SBF2: variants seen among roughly 807,000 people sequenced by gnomAD.
SBF2 encodes the protein myotubularin-related protein 13.
SBF2 carries 112 observed loss-of-function variants against 225.2 expected under a neutral mutation model. The ratio of observed to expected loss-of-function variants is 0.50; its 90% confidence interval spans 0.43 to 0.58. SBF2 has a LOEUF of 0.58. Among genes scored for constraint, SBF2 ranks in the 20% least tolerant of loss-of-function variants. The pLI is 0.00. For missense variants in SBF2, 1,996 were observed against 2,206.2 expected, an observed-to-expected ratio of 0.90 and a Z score of 1.91; for synonymous variants, 763 against 773.3, an observed-to-expected ratio of 0.99 and a Z score of 0.22.
chr11:9,784,438 C>A lies in SBF2; in HGVS notation c.5232G>T (p.Arg1744Ser). Reference sequence around the variant, plus strand: ...TTTTATAAAGTGTTCCCTCAAAGGACCTAGAAGAAATGATGACAGGAGAGT... The same window carrying A: ...TTTTATAAAGTGTTCCCTCAAAGGAACTAGAAGAAATGATGACAGGAGAGT... The part of the protein sequence containing the change: ...SQYTSKNDEN[R>S]SFEGTLYKRG... The change falls in exon 38 of 40, where the codon AGG (arginine) becomes AGT (serine). Residue 1744 changes from arginine (R) to serine (S), a missense_variant and splice_region_variant. Coordinates refer to ENST00000256190, the MANE Select transcript of SBF2 (RefSeq NM_030962.4). 4.3e-6 allele frequency: 7 copies of A among 1,611,192 alleles called. No individual in the cohort carries two copies. The highest frequency in any genetic ancestry group is 5.9e-6 in the Non-Finnish European group (7 of 1,177,370).
intron 1 of SBF2, among the ~76,000 whole-genome samples, chr11:10,214,394 C>T (rs1051225187): frequency 6.6e-6 from 1 of 152,136 alleles, no homozygotes. Flanking sequence ...GAGTCCGAGG[C>T]GGGCGGATCA....
At chr11:9,967,980 TATATATATATAAA>T (rs1168940343) in intron 14 of SBF2, among the ~76,000 whole-genome samples, 135 of 106,228 alleles carry the variant, frequency 1.3e-3, no homozygotes, top group African/African-American at 4.0e-3. Context: ...TCTATATATA[TATATATATATAAA>T]ATATATATAT....
intron 16 of SBF2, among the ~76,000 whole-genome samples, chr11:9,955,772 T>C (rs1169680673): frequency 6.6e-6 from 1 of 152,110 alleles, no homozygotes; most frequent in Non-Finnish European, 1.5e-5. Context: ...CTAAATAGTA[T>C]ATTATCATTA....
chr11:10,261,549 CA>C (rs1961434112), intron 1 of SBF2, among the ~76,000 whole-genome samples: 1 of 152,270 alleles, frequency 6.6e-6, no homozygotes, highest in Middle Eastern at 3.4e-3. Context: ...GATGGTATAC[CA>C]CTTTGGGAAA....
chr11:10,041,971 T>C (rs1316325673), intron 3 of SBF2, among the ~76,000 whole-genome samples: 6 of 127,616 alleles, frequency 4.7e-5, no homozygotes, highest in Non-Finnish European at 1.7e-5. Flanking sequence ...AAATGGGCTC[T>C]GTATACAATC....
intron 2 of SBF2, among the ~76,000 whole-genome samples, chr11:10,172,533 A>G (rs1456262108): frequency 6.6e-6 from 1 of 151,840 alleles, no homozygotes; most frequent in Non-Finnish European, 1.5e-5. Context: ...TTTATTTTTT[A>G]GTAGAGACGG....
intron 36 of SBF2, among the ~76,000 whole-genome samples, chr11:9,785,568 T>C (rs1479977370): frequency 2.0e-5 from 3 of 152,154 alleles, no homozygotes; most frequent in Non-Finnish European, 4.4e-5. Context: ...CATTAAAAAA[T>C]GATGCTGCTA....
At chr11:10,002,797 T>G in intron 6 of SBF2, 108 bp from the exon 7 acceptor site, 4 of 980,204 alleles carry the variant, frequency 4.1e-6, no homozygotes, top group Non-Finnish European at 4.9e-6. Context: ...TTGGACTCTC[T>G]GAAGGAAAAT....
At chr11:9,802,117 C>T (rs1020576795) in intron 32 of SBF2, among the ~76,000 whole-genome samples, 4 of 152,146 alleles carry the variant, frequency 2.6e-5, no homozygotes, top group African/African-American at 7.2e-5. Context: ...GCTTTCTTCA[C>T]GTTTTCATTC....
intron 33 of SBF2, chr11:9,791,387 A>G (rs914596510): frequency 1.3e-5 from 2 of 150,678 alleles, no homozygotes; most frequent in Non-Finnish European, 2.9e-5. Flanking sequence ...ATGAAGTGAC[A>G]TAGTCAAAAT....
intron 6 of SBF2, among the ~76,000 whole-genome samples, chr11:10,022,184 T>C (rs1203838369): frequency 6.6e-6 from 1 of 152,130 alleles, no homozygotes; most frequent in Non-Finnish European, 1.5e-5. Context: ...ATGCCAGATA[T>C]AGAGTACACA....
chr11:9,984,381 A>G (rs1165529097), intron 13 of SBF2, among the ~76,000 whole-genome samples: 9 of 152,154 alleles, frequency 5.9e-5, no homozygotes, highest in Non-Finnish European at 1.3e-4. Flanking sequence ...ACAAAGACAA[A>G]GAAAAAAGGG....
chr11:10,140,845 G>A (rs1954609426), intron 2 of SBF2, among the ~76,000 whole-genome samples: 2 of 152,042 alleles, frequency 1.3e-5, no homozygotes, highest in South Asian at 4.1e-4. Flanking sequence ...TGGTGTCAGA[G>A]GTTGGAAATT....
chr11:9,842,866 C>T (rs2133962039), intron 24 of SBF2, 96 bp from the exon 25 acceptor site: 2 of 1,225,492 alleles, frequency 1.6e-6, no homozygotes, highest in East Asian at 4.7e-5. Flanking sequence ...CTTCTCCTTT[C>T]CCACAGCCAC....
At chr11:9,786,052 G>C (rs1852351758) in intron 36 of SBF2, among the ~76,000 whole-genome samples, 1 of 152,086 alleles carries the variant, frequency 6.6e-6, no homozygotes, top group Admixed American at 6.5e-5. Flanking sequence ...ATTTTTAGTA[G>C]AGACAGAGTT....
chr11:9,995,649 CT>C lies in SBF2; in HGVS notation c.976-1652del, dbSNP rs375157492. 2.0e-3 allele frequency among the ~76,000 whole-genome samples: 282 copies of C among 141,430 alleles called. 1 individual carries two copies. The highest frequency in any genetic ancestry group is 1.7e-3 in the Non-Finnish European group (112 of 64,272). The allele number at this position is 141,430 out of a possible 152,430, so 92.8% of individuals were successfully genotyped here. On this transcript the variant is annotated intron_variant, in intron 9 of 39. Coordinates refer to ENST00000256190, the MANE Select transcript of SBF2 (RefSeq NM_030962.4). ...ATGCTCCTATTTCTTTTTTTCTTTT[CT>C]TTTTTTTTTTTTATTTTGAGACAGA...
At chr11:9,864,615 G>C (rs1306865979) in intron 17 of SBF2, among the ~76,000 whole-genome samples, 1 of 151,960 alleles carries the variant, frequency 6.6e-6, no homozygotes, top group Non-Finnish European at 1.5e-5. Flanking sequence ...TCAAACTCCT[G>C]GGCTCAAGTG....
At chr11:10,179,265 A>C (rs1956618529) in intron 2 of SBF2, among the ~76,000 whole-genome samples, 1 of 151,872 alleles carries the variant, frequency 6.6e-6, no homozygotes, top group South Asian at 2.1e-4. Flanking sequence ...TAGTGGGTGC[A>C]GCACACCAGC....
intron 17 of SBF2, among the ~76,000 whole-genome samples, chr11:9,889,898 T>A (rs1485236032): frequency 1.3e-5 from 2 of 152,076 alleles, no homozygotes; most frequent in Non-Finnish European, 2.9e-5. Context: ...CCTATTTATT[T>A]ATTTATTTCT....
Sources: gnomAD v4.1 joint callset for allele counts (sites outside exome capture counted in the v4.1 genomes callset) on GRCh38, gnomAD v4.1.1 for gene constraint, MANE v1.5 for transcripts, NCBI Gene and HGNC (gene_info 2026-07-23, HGNC 2026-07-21) for gene names.